Variants in ELMO1 observed in about 807,000 individuals in gnomAD.
ELMO1 encodes the protein engulfment and cell motility 1.
In ELMO1, 26 loss-of-function variants were observed where a neutral mutation model predicts 98.9. The observed-to-expected ratio is 0.26, with a 90% CI of 0.19 to 0.36. The LOEUF is 0.36. Ranked by LOEUF, ELMO1 falls within the 10% of genes least tolerant of loss-of-function variation. The pLI is 1.00. For missense variants in ELMO1, 627 were observed against 935.2 expected (o/e 0.67, Z 4.30); for synonymous variants, 346 against 346.0 (o/e 1.00, Z 0.00).
At chr7:37,120,974 C>T (rs888126189) in intron 14 of ELMO1, among the ~76,000 whole-genome samples, 8 of 152,168 alleles carry the variant, frequency 5.3e-5, no homozygotes, top group South Asian at 2.1e-4. Flanking sequence ...TACCAATATT[C>T]GCTGTTCTGC....
At position 37,363,783 on chromosome 7, in the gene ELMO1, C is replaced by T. The variant is rs1377791626; in HGVS notation, c.-73-21020G>A. ...GCTATGAAGTTAAATTCTCAGAAATCACGTGACCATAAGATCTAAACATTG... is the reference window on the plus strand; with the variant it reads ...GCTATGAAGTTAAATTCTCAGAAATTACGTGACCATAAGATCTAAACATTG... On this transcript the variant is annotated intron_variant, in intron 1 of 21. Transcript: ENST00000310758. Among the ~76,000 whole-genome samples the T allele has an allele frequency of 2.0e-5, 3 of 152,146 alleles. No homozygotes were observed. In the East Asian group the frequency reaches 5.8e-4, roughly 29 times the overall value.
chr7:36,890,835 T>C (rs1805485911), intron 17 of ELMO1, among the ~76,000 whole-genome samples: 1 of 152,206 alleles, frequency 6.6e-6, no homozygotes, highest in Admixed American at 6.5e-5. Flanking sequence ...CAAGGCCTTG[T>C]GTAATGGGGC....
intron 6 of ELMO1, among the ~76,000 whole-genome samples, chr7:37,258,410 C>T (rs530573315): frequency 6.6e-6 from 1 of 151,940 alleles, no homozygotes; most frequent in Admixed American, 6.6e-5. Flanking sequence ...CACTGCACTC[C>T]AGCCTAAGCA....
chr7:37,001,240 T>C (rs1179406702), intron 16 of ELMO1, among the ~76,000 whole-genome samples: 3 of 152,220 alleles, frequency 2.0e-5, no homozygotes, highest in Admixed American at 2.0e-4. Context: ...TTCTTTATTG[T>C]GTGGAATTTC....
chr7:37,267,735 A>T (rs1231714177), intron 5 of ELMO1, among the ~76,000 whole-genome samples: 1 of 152,202 alleles, frequency 6.6e-6, no homozygotes, highest in Non-Finnish European at 1.5e-5. Context: ...ACATGCACAG[A>T]CATTATTTTG....
chr7:37,157,894 A>G (rs1251319401), intron 13 of ELMO1, among the ~76,000 whole-genome samples: 2 of 152,188 alleles, frequency 1.3e-5, no homozygotes, highest in East Asian at 1.9e-4. Flanking sequence ...ACACTACCAG[A>G]CTTCAAACTA....
At chr7:37,366,392 C>T (rs955083870) in intron 1 of ELMO1, among the ~76,000 whole-genome samples, 4 of 152,226 alleles carry the variant, frequency 2.6e-5, no homozygotes, top group East Asian at 3.9e-4. Context: ...CTTCATCACA[C>T]GTAGGGTCTC....
intron 13 of ELMO1, among the ~76,000 whole-genome samples, chr7:37,150,514 G>C (rs1330193944): frequency 2.0e-5 from 3 of 151,920 alleles, no homozygotes; most frequent in Admixed American, 2.0e-4. Context: ...TATGTGCATA[G>C]AGTATTTACT....
intron 13 of ELMO1, among the ~76,000 whole-genome samples, chr7:37,204,913 T>TA (rs543251080): frequency 6.1e-4 from 93 of 152,296 alleles, no homozygotes; most frequent in African/African-American, 2.2e-3. Context: ...ATCCTATAGC[T>TA]AGGCAGAAAA....
At chr7:37,181,089 A>G (rs577088350) in intron 13 of ELMO1, among the ~76,000 whole-genome samples, 1 of 152,324 alleles carries the variant, frequency 6.6e-6, no homozygotes, top group South Asian at 2.1e-4. Flanking sequence ...ATGTTATGTG[A>G]ATTTTACCTC....
At chr7:37,062,359 T>G (rs774290123) in intron 15 of ELMO1, among the ~76,000 whole-genome samples, 2 of 152,216 alleles carry the variant, frequency 1.3e-5, no homozygotes, top group Admixed American at 6.5e-5. Context: ...ATAAATGCTA[T>G]GAGGATGAAC....
chr7:37,204,205 G>C (rs1484535983), intron 13 of ELMO1: 1 of 456,180 alleles, frequency 2.2e-6, no homozygotes, highest in Non-Finnish European at 4.4e-6. Context: ...TCTTGGTCTT[G>C]CTGACTTCAA....
chr7:37,257,674 T>C, intron 6 of ELMO1, among the ~76,000 whole-genome samples: 1 of 150,866 alleles, frequency 6.6e-6, no homozygotes, highest in East Asian at 2.0e-4. Context: ...AAGACCAGCC[T>C]GGCCAACGTG....
intron 16 of ELMO1, among the ~76,000 whole-genome samples, chr7:36,961,146 A>G (rs1218386033): frequency 2.0e-5 from 3 of 152,192 alleles, no homozygotes; most frequent in African/African-American, 4.8e-5. Flanking sequence ...GCTAGGAAAA[A>G]GTATTTTCCA....
chr7:37,201,519 G>A (rs1458064161), intron 13 of ELMO1, among the ~76,000 whole-genome samples: 3 of 152,200 alleles, frequency 2.0e-5, no homozygotes, highest in Non-Finnish European at 4.4e-5. Context: ...TGAACATCAG[G>A]CAAATCCCAT....
chr7:36,993,846 G>A (rs986398661), intron 16 of ELMO1, among the ~76,000 whole-genome samples: 2 of 152,126 alleles, frequency 1.3e-5, no homozygotes, highest in South Asian at 2.1e-4. Flanking sequence ...AAAATGCATT[G>A]CCTACAATTC....
At chr7:36,995,259 C>T (rs1792123199) in intron 16 of ELMO1, among the ~76,000 whole-genome samples, 1 of 152,160 alleles carries the variant, frequency 6.6e-6, no homozygotes, top group East Asian at 1.9e-4. Context: ...CTTGCAATCC[C>T]AGCACTTTGG....
intron 16 of ELMO1, among the ~76,000 whole-genome samples, chr7:36,952,900 T>A (rs1788090781): frequency 6.6e-6 from 1 of 150,394 alleles, no homozygotes; most frequent in African/African-American, 2.5e-5. Context: ...CACTGGAGAG[T>A]GAAAGACTCT....
intron 4 of ELMO1, among the ~76,000 whole-genome samples, chr7:37,278,113 C>CTTTTTTTT (rs36110041): frequency 3.3e-4 from 28 of 85,578 alleles, no homozygotes; most frequent in African/African-American, 7.0e-4. Flanking sequence ...ATAGCTTTTC[C>CTTTTTTTT]TTTTTTTTTT....
Sources: gnomAD v4.1 joint callset for allele counts (sites outside exome capture counted in the v4.1 genomes callset) on GRCh38, gnomAD v4.1.1 for gene constraint, MANE v1.5 for transcripts, NCBI Gene and HGNC (gene_info 2026-07-23, HGNC 2026-07-21) for gene names.